Variants in COG5 observed in about 807,000 individuals in gnomAD.
COG5 encodes conserved oligomeric Golgi complex subunit 5.
A neutral mutation model predicts 110.4 loss-of-function variants in COG5; 86 were observed. The ratio of observed to expected loss-of-function variants is 0.78; its 90% CI spans 0.65 to 0.93. The LOEUF (loss-of-function observed/expected upper bound fraction) is 0.93, where lower values mean the gene tolerates loss of function less well. Among genes scored for constraint, COG5 ranks in the 40% least tolerant of loss-of-function variants. COG5 has a pLI of 0.00. For synonymous variants in COG5, 360 were observed against 334.6 expected (o/e 1.08, Z -0.83); for missense variants, 1,077 against 987.0 (o/e 1.09, Z -1.22).
At chr7:107,554,887 G>A (rs1803194214) in intron 2 of COG5, among the ~76,000 whole-genome samples, 1 of 152,024 alleles carries the variant, frequency 6.6e-6, no homozygotes, top group African/African-American at 2.4e-5. Flanking sequence ...GAATGTTAGG[G>A]GAACACAAAC....
chr7:107,503,503 T>C (rs1224059182), intron 6 of COG5, among the ~76,000 whole-genome samples: 1 of 152,160 alleles, frequency 6.6e-6, no homozygotes, highest in Non-Finnish European at 1.5e-5. Context: ...TGGTTCCAAA[T>C]GAATTTTAGG....
chr7:107,551,606 T>A (rs548298746), intron 3 of COG5, among the ~76,000 whole-genome samples: 4 of 152,140 alleles, frequency 2.6e-5, no homozygotes, highest in African/African-American at 9.6e-5. Context: ...CAATTCACAT[T>A]TAAAGTTTTT....
intron 11 of COG5, among the ~76,000 whole-genome samples, chr7:107,308,286 T>C (rs955897883): frequency 6.6e-6 from 1 of 152,184 alleles, no homozygotes; most frequent in Non-Finnish European, 1.5e-5. Flanking sequence ...ATTCCTTATG[T>C]TTGGGTCTTA....
chr7:107,326,770 A>T (rs1183358820), intron 10 of COG5, among the ~76,000 whole-genome samples: 1 of 152,180 alleles, frequency 6.6e-6, no homozygotes, highest in Non-Finnish European at 1.5e-5. Flanking sequence ...TTGCAGAAAT[A>T]AAAAAATACT....
intron 14 of COG5, among the ~76,000 whole-genome samples, chr7:107,259,426 A>G (rs1453179847): frequency 6.6e-6 from 1 of 152,158 alleles, no homozygotes; most frequent in African/African-American, 2.4e-5. Context: ...CAACTTAATC[A>G]ATAATGTGGT....
intron 7 of COG5, among the ~76,000 whole-genome samples, chr7:107,387,258 C>T (rs1790279438): frequency 6.6e-6 from 1 of 152,174 alleles, no homozygotes. Context: ...GGAACTCAGC[C>T]TGGACAGCAG....
chr7:107,556,872 G>C (rs1803362897), intron 2 of COG5, among the ~76,000 whole-genome samples: 1 of 151,988 alleles, frequency 6.6e-6, no homozygotes, highest in Non-Finnish European at 1.5e-5. Context: ...CCAGGTTCAA[G>C]TGATTCTCCT....
chr7:107,208,313 TAGCAAC>T, intron 21 of COG5: 1 of 985,408 alleles, frequency 1.0e-6, no homozygotes, highest in Non-Finnish European at 1.2e-6. Context: ...AATATAGGCT[TAGCAAC>T]AGCACTGCTG....
chr7:107,405,464 G>A (rs1406416643), intron 7 of COG5, among the ~76,000 whole-genome samples: 3 of 152,170 alleles, frequency 2.0e-5, no homozygotes, highest in African/African-American at 4.8e-5. Context: ...TCACAGTGAC[G>A]TGATTATTAA....
intron 10 of COG5, among the ~76,000 whole-genome samples, chr7:107,340,886 A>G (rs565595193): frequency 2.0e-5 from 3 of 152,298 alleles, no homozygotes; most frequent in South Asian, 2.1e-4. Flanking sequence ...CCTCAAAACA[A>G]TAAGAGCCAT....
intron 21 of COG5, among the ~76,000 whole-genome samples, chr7:107,205,994 T>A: frequency 6.6e-6 from 1 of 151,502 alleles, no homozygotes; most frequent in South Asian, 2.1e-4. Flanking sequence ...GGAGTCTTGC[T>A]CTGTCGCCCA....
intron 21 of COG5, chr7:107,207,991 T>C (rs532513356): frequency 1.0e-5 from 10 of 985,408 alleles, no homozygotes; most frequent in Non-Finnish European, 1.2e-5. Flanking sequence ...ACAAATTTAC[T>C]GACATTTAAA....
Position 107,509,470 on chromosome 7 carries a change from C to T in COG5, c.538+17767G>A, listed in dbSNP as rs576199153. Among the ~76,000 whole-genome samples the T allele has an allele frequency of 2.5e-3, 375 of 152,310 alleles. 2 individuals are homozygous for T. The highest frequency in any genetic ancestry group is 8.7e-3 in the African/African-American group (362 of 41,562). Reference sequence around the variant, plus strand: ...GAGAATGGAACCAAGTTGGAAAACACTCTGCAGGATATTATCCAGGAGAAC... The same window carrying T: ...GAGAATGGAACCAAGTTGGAAAACATTCTGCAGGATATTATCCAGGAGAAC... On this transcript the variant is annotated intron_variant, in intron 6 of 21. Coordinates refer to ENST00000297135, the MANE Select transcript of COG5 (RefSeq NM_006348.5).
At chr7:107,501,410 C>T (rs1024401) in intron 6 of COG5, among the ~76,000 whole-genome samples, 91,084 of 151,830 alleles carry the variant, frequency 0.6, 30,064 homozygotes, top group African/African-American at 0.9. Context: ...GGGGTGATAG[C>T]AAGGTAAAAC....
At chr7:107,295,873 C>A (rs1584637389) in intron 12 of COG5, among the ~76,000 whole-genome samples, 2 of 152,156 alleles carry the variant, frequency 1.3e-5, no homozygotes, top group African/African-American at 4.8e-5. Context: ...CTCATTGCAA[C>A]ATCCGCCTCC....
At chr7:107,404,011 A>G (rs1455008332) in intron 7 of COG5, among the ~76,000 whole-genome samples, 2 of 152,212 alleles carry the variant, frequency 1.3e-5, no homozygotes, top group Non-Finnish European at 2.9e-5. Context: ...GTAACAATTT[A>G]GTTTTTAACA....
intron 6 of COG5, among the ~76,000 whole-genome samples, chr7:107,451,720 A>G (rs1300758679): frequency 1.3e-5 from 2 of 152,190 alleles, no homozygotes; most frequent in African/African-American, 4.8e-5. Context: ...ATGAACATTA[A>G]ATATACTTTC....
intron 15 of COG5, among the ~76,000 whole-genome samples, 164 bp downstream of exon 15, chr7:107,258,109 G>A (rs942849228): frequency 6.6e-6 from 1 of 152,118 alleles, no homozygotes; most frequent in African/African-American, 2.4e-5. Flanking sequence ...ACGAAGGCCA[G>A]AGTCAAAGAC....
intron 11 of COG5, among the ~76,000 whole-genome samples, chr7:107,310,484 A>G (rs1808126748): frequency 6.6e-6 from 1 of 152,212 alleles, no homozygotes; most frequent in Admixed American, 6.5e-5. Flanking sequence ...AACTTGGGGA[A>G]TTCACAAAAT....
Sources: gnomAD v4.1 joint callset for allele counts (sites outside exome capture counted in the v4.1 genomes callset) on GRCh38, gnomAD v4.1.1 for gene constraint, MANE v1.5 for transcripts, NCBI Gene and HGNC (gene_info 2026-07-23, HGNC 2026-07-21) for gene names.